GABRQ: variants seen among roughly 807,000 people sequenced by gnomAD.
The protein encoded by GABRQ is gamma-aminobutyric acid type A receptor subunit theta, also known as gamma-aminobutyric acid receptor subunit theta.
A neutral mutation model predicts 30.5 loss-of-function variants in GABRQ; 19 were observed. The observed-to-expected ratio is 0.62, with a 90% CI of 0.43 to 0.91. The LOEUF is 0.91. GABRQ is among the 40% of genes least tolerant of loss of function. The pLI, the probability that GABRQ is intolerant of heterozygous loss-of-function variation, is 0.00. For missense variants in GABRQ, 520 were observed against 521.4 expected, an observed-to-expected ratio of 1.00 and a Z score of 0.03; for synonymous variants, 187 against 210.2, an observed-to-expected ratio of 0.89 and a Z score of 0.95.
intron 7 of GABRQ, among the ~76,000 whole-genome samples, chrX:152,650,941 G>T (rs1931006295): frequency 9.0e-6 from 1 of 111,694 alleles, no homozygotes; most frequent in Admixed American, 9.5e-5. Context: ...CTGAGGAGAT[G>T]AGGAGAGCAG....
chrX:152,650,407 T>G (rs1930991158), intron 6 of GABRQ, 21 bp from the exon 7 acceptor site: 3 of 1,196,126 alleles, frequency 2.5e-6, no homozygotes. Context: ...CCACCCTAAT[T>G]CCAGTGTGTC....
chrX:152,641,110 C>T (rs782563789), intron 2 of GABRQ, among the ~76,000 whole-genome samples: 1 of 112,029 alleles, frequency 8.9e-6, no homozygotes, highest in South Asian at 3.8e-4. Flanking sequence ...AGATTAGAAA[C>T]GACAAAGAAG....
intron 2 of GABRQ, among the ~76,000 whole-genome samples, chrX:152,645,227 G>T (rs1277500823): frequency 8.9e-6 from 1 of 112,384 alleles, no homozygotes; most frequent in Non-Finnish European, 1.9e-5. Context: ...TGCTTTTCAG[G>T]TTTTATCAGG....
rs1174757605 is a variant in GABRQ, at chrX:152,654,032, G to C, written c.*751G>C. 1 of 111,696 alleles carries C rather than the reference G, an allele frequency of 9.0e-6. No homozygotes were observed. Among genetic ancestry groups the C allele is most frequent in the Non-Finnish European group, 1.9e-5 (1 of 53,158 alleles). 9.2% of individuals were successfully genotyped at this position (111,696 alleles called of 1,213,427 possible). A position where few individuals can be genotyped will look rare whatever the true frequency, so the allele number is the denominator to read the frequency against. On this transcript the variant is annotated 3_prime_UTR_variant, in exon 9 of 9. Coordinates refer to ENST00000598523, the MANE Select transcript of GABRQ (RefSeq NM_018558.4). The stretch of plus-strand genomic sequence containing the variant: ...GGCAGAGGGTGGGGGGTGATGTCAG[G>C]TTGGAAATTACACAGTTGAGCTGGC...
rs782482555 is a variant in GABRQ, at chrX:152,652,918, T to C, written c.1536T>C (p.His512=). 4.1e-6 allele frequency: 5 copies of C among 1,211,492 alleles called. No homozygotes were observed. The African/African-American group carries it at 5.2e-5, about 13-fold the overall frequency. The change falls in exon 9 of 9, where the codon CAT becomes CAC. Residue 512 remains histidine, a synonymous_variant. Transcript: ENST00000598523. ...ESLSSDERHG[H]GPSGKPMLHH... is the part of the protein sequence containing the mutation. Reference sequence around the variant, plus strand: ...TGAGCTCGGATGAGCGCCATGGCCATGGCCCCAGTGGGAAGCCCATGCTTC... The same window carrying C: ...TGAGCTCGGATGAGCGCCATGGCCACGGCCCCAGTGGGAAGCCCATGCTTC...
intron 7 of GABRQ, 90 bp downstream of exon 7, chrX:152,650,670 G>A (rs1930999123): frequency 1.6e-6 from 1 of 637,590 alleles, no homozygotes; most frequent in African/African-American, 2.2e-5. Context: ...AGAACAGTGT[G>A]TGACTAACTA....
intron 2 of GABRQ, among the ~76,000 whole-genome samples, chrX:152,642,654 A>G (rs1376038358): frequency 8.9e-6 from 1 of 112,118 alleles, no homozygotes; most frequent in Admixed American, 9.3e-5. Flanking sequence ...TAGGAAGTAC[A>G]GTTGAGGCAG....
chrX:152,640,615 G>A, intron 2 of GABRQ, 149 bp downstream of exon 2: 1 of 529,662 alleles, frequency 1.9e-6, no homozygotes, highest in Non-Finnish European at 3.4e-6. Context: ...ACTCTGCAGA[G>A]ACCAGCAAGG....
At chrX:152,639,350 G>A (rs1265866445) in intron 1 of GABRQ, among the ~76,000 whole-genome samples, 6 of 107,638 alleles carry the variant, frequency 5.6e-5, no homozygotes, top group Non-Finnish European at 7.7e-5. Flanking sequence ...ACCATACTGC[G>A]CCACTGAACA....
Position 152,647,126 on chromosome X carries a change from T to C in GABRQ, c.485T>C (p.Val162Ala). Residue 162 changes from valine to alanine, a missense_variant, in exon 4 of 9, where the codon GTG becomes GCG. Val to Ala is a moderately conservative substitution (Grantham distance 64). Coordinates refer to ENST00000598523, the MANE Select transcript of GABRQ (RefSeq NM_018558.4). Reference sequence around the variant, plus strand: ...CATGATGTGACTGTGGAGAATCGCGTGTTTCAGCTTCACCCAGATGGAACG... The same window carrying C: ...CATGATGTGACTGTGGAGAATCGCGCGTTTCAGCTTCACCCAGATGGAACG... ...FVHDVTVENRVFQLHPDGTVR... is the reference protein window; with the variant it reads ...FVHDVTVENRAFQLHPDGTVR... The C allele has an allele frequency of 2.5e-6, 3 of 1,210,615 alleles. No homozygotes were observed. The highest frequency in any genetic ancestry group is 2.2e-6 in the Non-Finnish European group (2 of 894,442).
At chrX:152,649,951 G>T (rs1930979927) in intron 6 of GABRQ, 72 bp downstream of exon 6, 1 of 868,740 alleles carries the variant, frequency 1.2e-6, no homozygotes. Context: ...AGCGGCCTCT[G>T]ATTTTGGCTC....
At chrX:152,640,621 C>T in intron 2 of GABRQ, 155 bp downstream of exon 2, 1 of 525,877 alleles carries the variant, frequency 1.9e-6, no homozygotes, top group Non-Finnish European at 3.5e-6. Context: ...CAGAGACCAG[C>T]AAGGAAGCAC....
At position 152,646,954 on chromosome X, in the gene GABRQ, A is replaced by C; in HGVS notation, c.313A>C (p.Thr105Pro). ...TTTACATTTGTCTTCCCAGGACTACACGATCACGATGTTTTTTCATCAGAC... is the reference window on the plus strand; with the variant it reads ...TTTACATTTGTCTTCCCAGGACTACCCGATCACGATGTTTTTTCATCAGAC... ...EQISEMNMDYTITMFFHQTWK... is the reference protein window; with the variant it reads ...EQISEMNMDYPITMFFHQTWK... The change falls in exon 4 of 9, where the codon ACG becomes CCG. Residue 105 changes from threonine (T) to proline (P), a missense_variant. By Grantham distance (38) the Thr-to-Pro change is conservative. Transcript: ENST00000598523. 10 of 1,197,201 alleles carry C rather than the reference A, an allele frequency of 8.4e-6. No homozygotes were observed. Among genetic ancestry groups the C allele is most frequent in the Non-Finnish European group, 1.1e-5 (10 of 882,500 alleles).
chrX:152,644,787 C>T (rs782005148), intron 2 of GABRQ, among the ~76,000 whole-genome samples: 6 of 112,056 alleles, frequency 5.4e-5, no homozygotes, highest in African/African-American at 1.9e-4. Context: ...CACATATTCC[C>T]ACACAGGCAT....
At position 152,653,852 on chromosome X, in the gene GABRQ, T is replaced by G. The variant is rs1278369399; in HGVS notation, c.*571T>G. ...TGGCTTAGAAGTTCAGGGAACTTCC[T>G]ATAGGAAACTTAGGGAGCATTTGTA... On this transcript the variant is annotated 3_prime_UTR_variant, in exon 9 of 9. Transcript: ENST00000598523. 1 of 111,847 alleles carries G rather than the reference T, an allele frequency of 8.9e-6. No homozygotes were observed. The highest frequency in any genetic ancestry group is 3.3e-5 in the African/African-American group (1 of 30,630). 9.2% of individuals were successfully genotyped at this position (111,847 alleles called of 1,213,427 possible). A position where few individuals can be genotyped will look rare whatever the true frequency, so the allele number is the denominator to read the frequency against.
intron 2 of GABRQ, among the ~76,000 whole-genome samples, chrX:152,641,536 T>C (rs5925193): frequency 0.28 from 31,334 of 111,233 alleles, 4,410 homozygotes; most frequent in African/African-American, 0.56. Flanking sequence ...AAGGTGGTAG[T>C]CCTGGGCCCT....
At chrX:152,649,557 T>C (rs1289242000) in intron 5 of GABRQ, among the ~76,000 whole-genome samples, 185 bp from the exon 6 acceptor site, 1 of 112,352 alleles carries the variant, frequency 8.9e-6, no homozygotes, top group Non-Finnish European at 1.9e-5. Flanking sequence ...TATTGACAGA[T>C]AGATGTATAA....
At chrX:152,647,698 T>C (rs1930922379) in intron 4 of GABRQ, among the ~76,000 whole-genome samples, 2 of 111,221 alleles carry the variant, frequency 1.8e-5, no homozygotes, top group Admixed American at 1.9e-4. Context: ...AGGGTGTGTG[T>C]GGCATGGGTC....
At chrX:152,639,508 G>A (rs992777437) in intron 1 of GABRQ, among the ~76,000 whole-genome samples, 1 of 112,075 alleles carries the variant, frequency 8.9e-6, no homozygotes, top group Non-Finnish European at 1.9e-5. Flanking sequence ...CCCTGTTGGG[G>A]AAGGAGCCCT....
Sources: gnomAD v4.1 joint callset for allele counts (sites outside exome capture counted in the v4.1 genomes callset) on GRCh38, gnomAD v4.1.1 for gene constraint, MANE v1.5 for transcripts, NCBI Gene and HGNC (gene_info 2026-07-23, HGNC 2026-07-21) for gene names.